CTNNA3: variants seen among roughly 807,000 people sequenced by gnomAD.
CTNNA3 encodes the protein catenin alpha 3.
In CTNNA3, 76 loss-of-function variants were observed where a neutral mutation model predicts 95.7. That is an observed-to-expected ratio of 0.79 (90% confidence interval 0.66 to 0.96). The LOEUF (loss-of-function observed/expected upper bound fraction) is 0.96. Ranked by LOEUF, CTNNA3 falls within the 40% of genes least tolerant of loss-of-function variation. The pLI, the probability that CTNNA3 is intolerant of heterozygous loss-of-function variation, is 0.00. For synonymous variants in CTNNA3, 431 were observed against 374.4 expected, an observed-to-expected ratio of 1.15 and a Z score of -1.74; for missense variants, 1,191 against 1,089.8, an observed-to-expected ratio of 1.09 and a Z score of -1.31.
intron 13 of CTNNA3, among the ~76,000 whole-genome samples, chr10:66,182,302 C>G (rs1042791837): frequency 6.7e-6 from 1 of 148,998 alleles, no homozygotes; most frequent in Admixed American, 6.8e-5. Context: ...ATCGCCCAGG[C>G]TGGAGTGCAG....
chr10:67,061,110 A>T (rs888267922), intron 7 of CTNNA3, among the ~76,000 whole-genome samples: 5 of 152,200 alleles, frequency 3.3e-5, no homozygotes, highest in African/African-American at 1.2e-4. Context: ...GCTAAAAATT[A>T]ACGGTTTGGG....
intron 7 of CTNNA3, among the ~76,000 whole-genome samples, chr10:67,164,759 T>C (rs183519918): frequency 2.5e-3 from 383 of 152,250 alleles, no homozygotes; most frequent in African/African-American, 8.4e-3. Flanking sequence ...CTGAAGAGTA[T>C]GTACAGACAG....
chr10:66,983,146 A>G (rs1411346822), intron 7 of CTNNA3, among the ~76,000 whole-genome samples: 1 of 152,142 alleles, frequency 6.6e-6, no homozygotes, highest in East Asian at 1.9e-4. Context: ...CTAATGAGCA[A>G]ATTTTTTTAT....
chr10:66,423,668 A>C (rs2093215554), intron 11 of CTNNA3, among the ~76,000 whole-genome samples: 1 of 152,158 alleles, frequency 6.6e-6, no homozygotes, highest in Non-Finnish European at 1.5e-5. Context: ...GAGACATTAC[A>C]ACCCCACAAT....
intron 13 of CTNNA3, among the ~76,000 whole-genome samples, chr10:66,208,606 G>C (rs1253237195): frequency 6.6e-6 from 1 of 151,924 alleles, no homozygotes; most frequent in African/African-American, 2.4e-5. Flanking sequence ...ACGCTTGAAA[G>C]GAACTTAAAA....
chr10:66,746,711 G>A (rs556281089), intron 9 of CTNNA3, among the ~76,000 whole-genome samples: 1 of 150,812 alleles, frequency 6.6e-6, no homozygotes, highest in African/African-American at 2.5e-5. Flanking sequence ...TTGTGGTAGA[G>A]AGAGAGAGAG....
chr10:66,480,458 C>T (rs1463754671), intron 11 of CTNNA3, among the ~76,000 whole-genome samples: 2 of 152,108 alleles, frequency 1.3e-5, no homozygotes, highest in Non-Finnish European at 2.9e-5. Context: ...ATTATTCATT[C>T]ACTTATTTAA....
intron 4 of CTNNA3, 22 bp downstream of exon 4, chr10:67,539,481 A>C (rs1018146551): frequency 1.2e-6 from 2 of 1,610,470 alleles, no homozygotes; most frequent in Admixed American, 1.7e-5. Flanking sequence ...TGCCAAGGTA[A>C]ACTAAGCCAT....
intron 11 of CTNNA3, among the ~76,000 whole-genome samples, chr10:66,446,843 G>A (rs1261056879): frequency 6.6e-6 from 1 of 151,866 alleles, no homozygotes. Context: ...GGCAGCAGAA[G>A]GAAATAAAGG....
At chr10:66,922,358 CTT>C (rs1846833515) in intron 7 of CTNNA3, among the ~76,000 whole-genome samples, 1 of 152,118 alleles carries the variant, frequency 6.6e-6, no homozygotes, top group African/African-American at 2.4e-5. Context: ...GGAGAAAAAA[CTT>C]TTAAAAAGTA....
At chr10:66,830,347 C>T (rs1589303556) in intron 7 of CTNNA3, among the ~76,000 whole-genome samples, 1 of 152,128 alleles carries the variant, frequency 6.6e-6, no homozygotes, top group South Asian at 2.1e-4. Flanking sequence ...AAAATGCAAA[C>T]AAATACCTGA....
chr10:66,680,967 C>T (rs1378433751), intron 9 of CTNNA3, among the ~76,000 whole-genome samples: 1 of 152,112 alleles, frequency 6.6e-6, no homozygotes, highest in East Asian at 1.9e-4. Flanking sequence ...AAATACAACT[C>T]TTGGGGACTG....
chr10:67,512,261 T>C (rs1839660544), intron 5 of CTNNA3, among the ~76,000 whole-genome samples: 1 of 152,018 alleles, frequency 6.6e-6, no homozygotes, highest in Non-Finnish European at 1.5e-5. Flanking sequence ...GGAATGCTTG[T>C]AGAGAAATGG....
At chr10:67,684,324 G>T (rs1201387607) in intron 1 of CTNNA3, among the ~76,000 whole-genome samples, 1 of 152,130 alleles carries the variant, frequency 6.6e-6, no homozygotes, top group Non-Finnish European at 1.5e-5. Context: ...GCAGAGTGCT[G>T]ATTGGTGCAT....
chr10:66,417,884 A>C (rs1331188199), intron 11 of CTNNA3, among the ~76,000 whole-genome samples: 1 of 151,984 alleles, frequency 6.6e-6, no homozygotes, highest in Admixed American at 6.6e-5. Flanking sequence ...AGGGAAGTTT[A>C]TAGAAATAAT....
chr10:66,772,776 G>C (rs1331587248), intron 8 of CTNNA3, among the ~76,000 whole-genome samples: 1 of 152,098 alleles, frequency 6.6e-6, no homozygotes, highest in Non-Finnish European at 1.5e-5. Flanking sequence ...ATCACCCTCT[G>C]AACTGAAGCT....
intron 7 of CTNNA3, among the ~76,000 whole-genome samples, chr10:66,884,334 T>G (rs903968998): frequency 2.0e-5 from 3 of 152,134 alleles, no homozygotes; most frequent in Non-Finnish European, 2.9e-5. Flanking sequence ...TTAATTTTCT[T>G]CCGTGTGTGT....
chr10:66,883,308 A>T (rs1844916659), intron 7 of CTNNA3, among the ~76,000 whole-genome samples: 1 of 152,118 alleles, frequency 6.6e-6, no homozygotes, highest in Non-Finnish European at 1.5e-5. Context: ...GGCAGAGATC[A>T]TGGAAGGACA....
intron 7 of CTNNA3, among the ~76,000 whole-genome samples, chr10:67,029,719 A>C (rs2133104757): frequency 6.6e-6 from 1 of 152,358 alleles, no homozygotes; most frequent in South Asian, 2.1e-4. Context: ...ATATTTTTAC[A>C]AATTAACTTT....
Sources: allele counts gnomAD v4.1 joint callset (sites outside exome capture counted in the v4.1 genomes callset), GRCh38; gene constraint gnomAD v4.1.1; transcripts MANE v1.5; gene names NCBI Gene and HGNC (gene_info 2026-07-23, HGNC 2026-07-21).